Variants in MYO1D observed in about 807,000 individuals in gnomAD.
MYO1D encodes the protein myosin ID, also known as unconventional myosin-Id.
In MYO1D, 83 loss-of-function variants were observed where a neutral mutation model predicts 122.0. The ratio of observed to expected loss-of-function variants is 0.68; its 90% CI spans 0.57 to 0.82. The LOEUF is 0.82. Ranked by LOEUF, MYO1D falls within the 40% of genes least tolerant of loss-of-function variation. The pLI, the probability that MYO1D is intolerant of heterozygous loss-of-function variation, is 0.00. For synonymous variants in MYO1D, 464 were observed against 446.9 expected (o/e 1.04, Z -0.48); for missense variants, 1,157 against 1,269.5 (o/e 0.91, Z 1.35).
chr17:32,857,560 G>A (rs1372768550), intron 1 of MYO1D, among the ~76,000 whole-genome samples: 2 of 149,354 alleles, frequency 1.3e-5, no homozygotes, highest in East Asian at 3.9e-4. Flanking sequence ...ACTCCAGCCT[G>A]GACGACAGAG....
intron 8 of MYO1D, among the ~76,000 whole-genome samples, chr17:32,762,987 C>A (rs2090017586): frequency 6.6e-6 from 1 of 151,554 alleles, no homozygotes; most frequent in African/African-American, 2.4e-5. Context: ...GAGATGGAGA[C>A]CATCCTGGCT....
At position 32,755,670 on chromosome 17, in the gene MYO1D, A is replaced by G; in HGVS notation, c.1297-8T>C. On this transcript the variant is annotated splice_polypyrimidine_tract_variant and splice_region_variant and intron_variant, in intron 10 of 21. Coordinates refer to ENST00000318217, the MANE Select transcript of MYO1D (RefSeq NM_015194.3). ...ATTGTTGAAGTAGTCAATCTGTAGGACACAGCAAGGAGGGAATTCTGAAGA... is the reference window on the plus strand; with the variant it reads ...ATTGTTGAAGTAGTCAATCTGTAGGGCACAGCAAGGAGGGAATTCTGAAGA... The G allele has an allele frequency of 6.2e-7, 1 of 1,610,702 alleles. No homozygotes were observed. Among genetic ancestry groups the G allele is most frequent in the Non-Finnish European group, 8.5e-7 (1 of 1,177,744 alleles).
intron 12 of MYO1D, chr17:32,745,795 T>C (rs2089830488): frequency 1.3e-5 from 2 of 155,044 alleles, no homozygotes. Context: ...TGCATGGTGC[T>C]CTGGAGAGAG....
intron 16 of MYO1D, among the ~76,000 whole-genome samples, chr17:32,671,635 T>C (rs1238119564): frequency 6.6e-6 from 1 of 152,226 alleles, no homozygotes; most frequent in Non-Finnish European, 1.5e-5. Context: ...AATTTTCTTC[T>C]AAGGAGTTTG....
chr17:32,750,939 T>C (rs1023273649), intron 11 of MYO1D, among the ~76,000 whole-genome samples: 1 of 152,148 alleles, frequency 6.6e-6, no homozygotes, highest in African/African-American at 2.4e-5. Flanking sequence ...TATTAACCCC[T>C]TTTACAAACT....
intron 1 of MYO1D, among the ~76,000 whole-genome samples, chr17:32,801,669 A>G (rs1350545084): frequency 6.6e-6 from 1 of 152,256 alleles, no homozygotes; most frequent in Non-Finnish European, 1.5e-5. Context: ...ACCTGTCAAT[A>G]AATAGACAAA....
chr17:32,827,097 T>G (rs1598133946), intron 1 of MYO1D, among the ~76,000 whole-genome samples: 1 of 151,308 alleles, frequency 6.6e-6, no homozygotes, highest in Non-Finnish European at 1.5e-5. Context: ...CTAATGTTCA[T>G]GGCAGCATTA....
intron 1 of MYO1D, among the ~76,000 whole-genome samples, chr17:32,842,351 G>A (rs976787308): frequency 6.6e-6 from 1 of 152,136 alleles, no homozygotes; most frequent in Non-Finnish European, 1.5e-5. Context: ...AGGTTTCCGA[G>A]ACAGTTAATC....
intron 16 of MYO1D, among the ~76,000 whole-genome samples, chr17:32,705,557 G>A (rs1257301335): frequency 3.9e-5 from 6 of 152,286 alleles, no homozygotes; most frequent in African/African-American, 9.6e-5. Flanking sequence ...GCCACCACAC[G>A]TGGCCGATTA....
intron 21 of MYO1D, among the ~76,000 whole-genome samples, chr17:32,561,619 G>A (rs920702661): frequency 1.1e-4 from 17 of 150,724 alleles, no homozygotes; most frequent in African/African-American, 4.2e-4. Context: ...GAACCCAGGA[G>A]GAGGAGGTTG....
intron 1 of MYO1D, among the ~76,000 whole-genome samples, chr17:32,854,825 G>C (rs562025813): frequency 6.6e-6 from 1 of 152,322 alleles, no homozygotes; most frequent in South Asian, 2.1e-4. Context: ...TACATGAATT[G>C]AAAGTAGAGA....
At chr17:32,667,469 G>A (rs62068427) in intron 16 of MYO1D, among the ~76,000 whole-genome samples, 4,430 of 152,124 alleles carry the variant, frequency 0.029, 91 homozygotes, top group Middle Eastern at 0.044. Context: ...AAATTCCTTC[G>A]TTTTACAGAT....
chr17:32,779,310 TTATA>T (rs2090212041), intron 2 of MYO1D, among the ~76,000 whole-genome samples: 2 of 152,024 alleles, frequency 1.3e-5, no homozygotes, highest in African/African-American at 4.8e-5. Flanking sequence ...AATCTGGAAA[TTATA>T]TATCCATCAG....
chr17:32,874,355 T>A (rs981772150), intron 1 of MYO1D, among the ~76,000 whole-genome samples: 1 of 152,228 alleles, frequency 6.6e-6, no homozygotes, highest in Non-Finnish European at 1.5e-5. Context: ...CTTCTTTTTC[T>A]TCTAAGAGAC....
At chr17:32,770,358 A>T (rs891051058) in intron 6 of MYO1D, among the ~76,000 whole-genome samples, 1 of 152,150 alleles carries the variant, frequency 6.6e-6, no homozygotes, top group African/African-American at 2.4e-5. Flanking sequence ...ATTTTTTTAA[A>T]TAAGGAAAAA....
chr17:32,590,186 T>TC (rs1480118690), intron 21 of MYO1D, among the ~76,000 whole-genome samples: 8 of 152,196 alleles, frequency 5.3e-5, no homozygotes, highest in South Asian at 2.1e-4. Context: ...ATTTTTCCAG[T>TC]CTCATTTCTT....
At chr17:32,705,933 G>A (rs1300672013) in intron 16 of MYO1D, among the ~76,000 whole-genome samples, 4 of 152,154 alleles carry the variant, frequency 2.6e-5, no homozygotes, top group Non-Finnish European at 5.9e-5. Context: ...ACCATGTTAA[G>A]ACATGCCTTT....
chr17:32,603,586 C>T (rs1450168417), intron 21 of MYO1D, among the ~76,000 whole-genome samples: 1 of 137,872 alleles, frequency 7.3e-6, no homozygotes, highest in African/African-American at 2.8e-5. Flanking sequence ...AGTGAAGTGG[C>T]GGGATCTTGG....
intron 21 of MYO1D, among the ~76,000 whole-genome samples, chr17:32,547,590 A>T (rs62062471): frequency 0.097 from 14,759 of 152,236 alleles, 880 homozygotes; most frequent in South Asian, 0.17. Flanking sequence ...CAACCAACCA[A>T]CCGCTTCTGC....
Sources: allele counts gnomAD v4.1 joint callset (sites outside exome capture counted in the v4.1 genomes callset), GRCh38; gene constraint gnomAD v4.1.1; transcripts MANE v1.5; gene names NCBI Gene and HGNC (gene_info 2026-07-23, HGNC 2026-07-21).